The following JAM2 variants were observed in gnomAD, a reference collection of about 807,000 sequenced individuals.
The protein encoded by JAM2 is junctional adhesion molecule 2.
JAM2 carries 17 observed loss-of-function variants against 42.0 expected under a neutral mutation model. That is an observed-to-expected ratio of 0.40 (90% CI 0.28 to 0.61). The LOEUF (loss-of-function observed/expected upper bound fraction) is 0.61. Ranked by LOEUF, JAM2 falls within the 20% of genes least tolerant of loss-of-function variation. The probability of loss-of-function intolerance (pLI) is 0.37; values close to 1 mark genes in which losing one functional copy is unlikely to be tolerated. For missense variants in JAM2, 319 were observed against 358.3 expected (o/e 0.89, Z 0.89); for synonymous variants, 118 against 128.6 (o/e 0.92, Z 0.56).
chr21:25,644,198 T>C (rs889844805), intron 1 of JAM2: 5 of 152,242 alleles, frequency 3.3e-5, no homozygotes, highest in African/African-American at 4.8e-5. Flanking sequence ...ACGGTGTTAC[T>C]GTTAACAAGG....
chr21:25,661,042 C>T (rs1447336030), intron 1 of JAM2, among the ~76,000 whole-genome samples: 3 of 151,658 alleles, frequency 2.0e-5, no homozygotes, highest in African/African-American at 4.8e-5. Flanking sequence ...CCGCCCACCT[C>T]GGCCTCCCAG....
Position 25,716,867 on chromosome 21 carries a change from T to TA in JAM2, c.*2195_*2196insA, listed in dbSNP as rs2034489723. The TA allele has an allele frequency of 6.6e-6, 1 of 152,240 alleles. No individual in the cohort carries two copies. Among genetic ancestry groups the TA allele is most frequent in the Admixed American group, 6.5e-5 (1 of 15,286 alleles). 9.4% of individuals were successfully genotyped at this position (152,240 alleles called of 1,614,324 possible). ...CTTTGGTTTGAGGAATGCTTTCCTC[T>TA]TGCATTGGCATGCCAAGAGGATAGA... On this transcript the variant is annotated 3_prime_UTR_variant, in exon 10 of 10. Coordinates refer to ENST00000480456, the MANE Select transcript of JAM2 (RefSeq NM_021219.4).
intron 5 of JAM2, among the ~76,000 whole-genome samples, chr21:25,700,166 T>C (rs1601056157): frequency 6.6e-6 from 1 of 152,286 alleles, no homozygotes; most frequent in East Asian, 1.9e-4. Context: ...TTTTACTTTT[T>C]CATCTTTGAT....
chr21:25,651,902 A>C (rs1364200067), intron 1 of JAM2, among the ~76,000 whole-genome samples: 1 of 152,276 alleles, frequency 6.6e-6, no homozygotes, highest in Non-Finnish European at 1.5e-5. Flanking sequence ...TGTGTATGAC[A>C]GAAACACTGG....
Position 25,716,446 on chromosome 21 carries a change from G to C in JAM2, c.*1774G>C, listed in dbSNP as rs1324110097. The C allele has an allele frequency of 2.0e-5, 3 of 152,176 alleles. No individual in the cohort carries two copies. The highest frequency in any genetic ancestry group is 4.4e-5 in the Non-Finnish European group (3 of 68,028). 9.4% of individuals were successfully genotyped at this position (152,176 alleles called of 1,614,324 possible). A position where few individuals can be genotyped will look rare whatever the true frequency, so the allele number is the denominator to read the frequency against. Reference sequence around the variant, plus strand: ...CGGGAAGATGCTCCCCCTTTGACTTGTCTATGACATGCTATGTCTCTCACC... The same window carrying C: ...CGGGAAGATGCTCCCCCTTTGACTTCTCTATGACATGCTATGTCTCTCACC... On this transcript the variant is annotated 3_prime_UTR_variant, in exon 10 of 10. Coordinates refer to ENST00000480456, the MANE Select transcript of JAM2 (RefSeq NM_021219.4).
At chr21:25,651,548 T>C (rs1221359096) in intron 1 of JAM2, among the ~76,000 whole-genome samples, 1 of 152,218 alleles carries the variant, frequency 6.6e-6, no homozygotes, top group Admixed American at 6.5e-5. Context: ...CATCTAGCCT[T>C]TGACCCATCA....
At chr21:25,639,991 C>A in intron 1 of JAM2, 103 bp downstream of exon 1, 3 of 778,652 alleles carry the variant, frequency 3.9e-6, no homozygotes, top group Non-Finnish European at 5.8e-6. Flanking sequence ...CGGCTCTGGG[C>A]CGAGGTCGCC....
chr21:25,664,837 T>G (rs2033178425), intron 1 of JAM2, among the ~76,000 whole-genome samples: 2 of 152,226 alleles, frequency 1.3e-5, no homozygotes, highest in Non-Finnish European at 2.9e-5. Flanking sequence ...TTTGTTTAAC[T>G]TGTTAACCCA....
chr21:25,666,486 G>A (rs930644174), intron 1 of JAM2, among the ~76,000 whole-genome samples: 2 of 151,922 alleles, frequency 1.3e-5, no homozygotes, highest in Admixed American at 6.6e-5. Flanking sequence ...CACCACACCC[G>A]GCTAAGTTTT....
At chr21:25,666,539 AT>A (rs1038546136) in intron 1 of JAM2, among the ~76,000 whole-genome samples, 1 of 151,426 alleles carries the variant, frequency 6.6e-6, no homozygotes, top group Non-Finnish European at 1.5e-5. Context: ...TGGCCAGGCT[AT>A]TTTTTTATTT....
intron 1 of JAM2, among the ~76,000 whole-genome samples, chr21:25,672,739 G>T (rs1005566338): frequency 6.6e-6 from 1 of 152,136 alleles, no homozygotes; most frequent in South Asian, 2.1e-4. Flanking sequence ...GGGCACCCAG[G>T]CTTGTTGTTC....
At chr21:25,699,018 GCAGCACTTGTAC>G (rs1237064748) in intron 5 of JAM2, 139 bp downstream of exon 5, 8 of 713,808 alleles carry the variant, frequency 1.1e-5, no homozygotes, top group African/African-American at 1.8e-5. Context: ...AGGAAAGATG[GCAGCACTTGTAC>G]CACGAAGTGA....
rs1335737222 is a variant in JAM2, at chr21:25,698,804, T to C, written c.522T>C (p.Arg174=). The change falls in exon 5 of 10, where the codon CGT becomes CGC. Residue 174 remains arginine (R), a synonymous_variant. Transcript: ENST00000480456. ...ACACATGGTTTAAGGATGGCATCCGTTTGCTAGAAAATCCCAGACTTGGCT... is the reference window on the plus strand; with the variant it reads ...ACACATGGTTTAAGGATGGCATCCGCTTGCTAGAAAATCCCAGACTTGGCT... The part of the protein sequence containing the change: ...PEYTWFKDGI[R]LLENPRLGSQ... 1 of 1,614,136 alleles carries C rather than the reference T, an allele frequency of 6.2e-7. No homozygotes were observed.
chr21:25,662,245 C>G (rs1308980424), intron 1 of JAM2, among the ~76,000 whole-genome samples: 2 of 151,940 alleles, frequency 1.3e-5, no homozygotes, highest in African/African-American at 2.4e-5. Flanking sequence ...CTCCTTGGCT[C>G]AAGCCATCCC....
chr21:25,666,074 CCAA>C (rs2033212068), intron 1 of JAM2, among the ~76,000 whole-genome samples: 1 of 151,856 alleles, frequency 6.6e-6, no homozygotes, highest in African/African-American at 2.4e-5. Flanking sequence ...TTAATCTCAT[CCAA>C]CAACACCCTC....
Position 25,714,968 on chromosome 21 carries a change from G to A in JAM2, c.*296G>A, listed in dbSNP as rs1003653526. 1.6e-5 allele frequency: 4 copies of A among 249,344 alleles called. No individual in the cohort carries two copies. The highest frequency in any genetic ancestry group is 3.0e-5 in the Non-Finnish European group (4 of 132,432). The allele number at this position is 249,344 out of a possible 1,614,324, so 15.4% of individuals were successfully genotyped here. On this transcript the variant is annotated 3_prime_UTR_variant, in exon 10 of 10. Transcript: ENST00000480456. Reference sequence around the variant, plus strand: ...AACCACGTCCTAACTTCTAGAGAACGTTACTAAAATATAACATACTGATTG... The same window carrying A: ...AACCACGTCCTAACTTCTAGAGAACATTACTAAAATATAACATACTGATTG...
intron 9 of JAM2, among the ~76,000 whole-genome samples, chr21:25,713,063 C>T (rs1344720044): frequency 6.6e-6 from 1 of 152,186 alleles, no homozygotes; most frequent in Non-Finnish European, 1.5e-5. Flanking sequence ...CAAGCACCCT[C>T]TGGCCTCTTT....
chr21:25,671,813 A>G (rs1390544483), intron 1 of JAM2, among the ~76,000 whole-genome samples: 1 of 152,180 alleles, frequency 6.6e-6, no homozygotes, highest in Non-Finnish European at 1.5e-5. Context: ...CCAGCAGAAA[A>G]GGATTCTCTT....
At chr21:25,673,844 G>C (rs757070191) in intron 1 of JAM2, among the ~76,000 whole-genome samples, 1 of 152,200 alleles carries the variant, frequency 6.6e-6, no homozygotes, top group East Asian at 1.9e-4. Flanking sequence ...TGTAGCTCCT[G>C]TAATTCCCAC....
Sources: allele counts gnomAD v4.1 joint callset (sites outside exome capture counted in the v4.1 genomes callset), GRCh38; gene constraint gnomAD v4.1.1; transcripts MANE v1.5; gene names NCBI Gene and HGNC (gene_info 2026-07-23, HGNC 2026-07-21).